The following GGTA1 variants were observed in gnomAD, a reference collection of about 807,000 sequenced individuals.
GGTA1 encodes glycoprotein alpha-galactosyltransferase 1 (inactive).
In GGTA1, 5 loss-of-function variants were observed where a neutral mutation model predicts 2.6. The observed-to-expected ratio is 1.92, with a 90% CI of 1.00 to 4.04. GGTA1 has a LOEUF of 4.04. Ranked by LOEUF, GGTA1 falls within the 30% of genes most tolerant of loss-of-function variation. The probability of loss-of-function intolerance (pLI) is 0.00; values close to 1 mark genes in which losing one functional copy is unlikely to be tolerated. For missense variants in GGTA1, 50 were observed against 16.7 expected, an observed-to-expected ratio of 2.99 and a Z score of -3.47; for synonymous variants, 17 against 5.0, an observed-to-expected ratio of 3.38 and a Z score of -3.19.
chr9:121,449,418 T>C (rs1279536601), intron 7 of GGTA1, among the ~76,000 whole-genome samples: 2 of 152,200 alleles, frequency 1.3e-5, no homozygotes, highest in Non-Finnish European at 2.9e-5. Flanking sequence ...CTACCAGCAA[T>C]GAATAAGTGT....
intron 3 of GGTA1, among the ~76,000 whole-genome samples, chr9:121,461,744 A>G (rs567828551): frequency 3.9e-5 from 6 of 152,354 alleles, no homozygotes; most frequent in Admixed American, 6.5e-5. Context: ...AATTTTGAAG[A>G]CTGAATGAAA....
At chr9:121,484,839 C>T (rs1265359486) in intron 1 of GGTA1, among the ~76,000 whole-genome samples, 2 of 152,190 alleles carry the variant, frequency 1.3e-5, no homozygotes, top group African/African-American at 2.4e-5. Context: ...CTGTTCTTGT[C>T]TATATTTAAG....
chr9:121,490,770 G>T (rs1262856272), intron 1 of GGTA1, among the ~76,000 whole-genome samples: 1 of 152,164 alleles, frequency 6.6e-6, no homozygotes, highest in Non-Finnish European at 1.5e-5. Flanking sequence ...CCTTCTGAAA[G>T]ATGTTGTCAG....
chr9:121,450,782 CCA>C (rs2064874427), downstream of GGTA1, among the ~76,000 whole-genome samples: 1 of 152,072 alleles, frequency 6.6e-6, no homozygotes, highest in African/African-American at 2.4e-5. Flanking sequence ...TGTCAAAACT[CCA>C]CAGTCACCTT....
chr9:121,471,191 T>C (rs758927175), intron 1 of GGTA1, among the ~76,000 whole-genome samples: 42 of 152,238 alleles, frequency 2.8e-4, no homozygotes, highest in Non-Finnish European at 5.1e-4. Flanking sequence ...CAAATGTCAT[T>C]GCTTTGTGAA....
downstream of GGTA1, among the ~76,000 whole-genome samples, chr9:121,450,112 C>G (rs900474592): frequency 2.6e-5 from 4 of 152,100 alleles, no homozygotes; most frequent in African/African-American, 4.8e-5. Context: ...CTTGGATTCC[C>G]TTTATTTGTT....
chr9:121,464,002 G>T (rs565582882), intron 2 of GGTA1, among the ~76,000 whole-genome samples: 1 of 152,162 alleles, frequency 6.6e-6, no homozygotes, highest in African/African-American at 2.4e-5. Context: ...AGCCTAGCAC[G>T]CATAACCCTA....
At chr9:121,487,809 G>A (rs1239560067) in intron 1 of GGTA1, among the ~76,000 whole-genome samples, 1 of 151,432 alleles carries the variant, frequency 6.6e-6, no homozygotes, top group Non-Finnish European at 1.5e-5. Flanking sequence ...TCCACATCCT[G>A]GGTTAAAGCG....
chr9:121,459,213 T>C (rs1347717346), intron 5 of GGTA1, among the ~76,000 whole-genome samples: 1 of 152,164 alleles, frequency 6.6e-6, no homozygotes, highest in Non-Finnish European at 1.5e-5. Flanking sequence ...TCCCAGCACT[T>C]TGGGAGGCCA....
chr9:121,494,106 T>A lies in GGTA1; in HGVS notation c.-10+5544A>T, dbSNP rs183946501. On this transcript the variant is annotated intron_variant, in intron 1 of 5. Coordinates refer to ENST00000481799, the MANE Select transcript of GGTA1 (RefSeq NM_001382585.1). Reference sequence around the variant, plus strand: ...TCCTCCTCCATCTCAGACCACTCACTCTCTGAGTTAGACCCATGCTTTTCC... The same window carrying A: ...TCCTCCTCCATCTCAGACCACTCACACTCTGAGTTAGACCCATGCTTTTCC... Among the ~76,000 whole-genome samples, 1,387 of 152,126 alleles carry A rather than the reference T, an allele frequency of 9.1e-3. 27 individuals carry two copies. Among genetic ancestry groups the A allele is most frequent in the Non-Finnish European group, 0.011 (751 of 67,984 alleles).
intron 5 of GGTA1, among the ~76,000 whole-genome samples, chr9:121,458,109 C>T (rs1478080824): frequency 7.3e-5 from 11 of 151,454 alleles, no homozygotes; most frequent in Admixed American, 7.2e-4. Context: ...GGGGTTTCAC[C>T]ATGTTGCCCA....
intron 2 of GGTA1, among the ~76,000 whole-genome samples, chr9:121,466,953 C>CA (rs397894554): frequency 0.012 from 1,206 of 99,732 alleles, 10 homozygotes; most frequent in South Asian, 0.019. Flanking sequence ...GACTCTGTCT[C>CA]AAAAAAAAAA....
chr9:121,479,693 C>T (rs1169971147), intron 1 of GGTA1, among the ~76,000 whole-genome samples: 2 of 152,060 alleles, frequency 1.3e-5, no homozygotes, highest in East Asian at 1.9e-4. Context: ...CCAATGGAGA[C>T]GTTAAAACAC....
exon 8 of GGTA1, chr9:121,445,144 G>A (rs2064847101): frequency 6.6e-6 from 1 of 152,058 alleles, no homozygotes; most frequent in African/African-American, 2.4e-5. Flanking sequence ...GTAAACATTA[G>A]TCCTTTGCTC....
intron 3 of GGTA1, among the ~76,000 whole-genome samples, chr9:121,461,979 T>A (rs1325288405): frequency 6.6e-6 from 1 of 152,216 alleles, no homozygotes; most frequent in Non-Finnish European, 1.5e-5. Context: ...TAGAAGCCAC[T>A]GTAGCCACCC....
chr9:121,468,274 G>A (rs985951671), intron 1 of GGTA1, among the ~76,000 whole-genome samples: 1 of 152,148 alleles, frequency 6.6e-6, no homozygotes, highest in Non-Finnish European at 1.5e-5. Flanking sequence ...GCGGTGTTTG[G>A]TTTTCTGTTC....
chr9:121,474,672 A>G lies in GGTA1; in HGVS notation c.-9-6741T>C, dbSNP rs1828466408. ...TCGTTCCAAACAGAATTCCACTCTG[A>G]AAGGAATTCTAGCAGATCCTATCTT... On this transcript the variant is annotated intron_variant, in intron 1 of 5. Coordinates refer to ENST00000481799, the MANE Select transcript of GGTA1 (RefSeq NM_001382585.1). 2.6e-5 allele frequency among the ~76,000 whole-genome samples: 4 copies of G among 152,196 alleles called. No homozygotes were observed. The South Asian group carries it at 6.2e-4, about 24-fold the overall frequency.
intron 1 of GGTA1, among the ~76,000 whole-genome samples, chr9:121,486,397 C>G (rs1051744349): frequency 6.6e-6 from 1 of 152,186 alleles, no homozygotes; most frequent in African/African-American, 2.4e-5. Context: ...AGGAGGTCCC[C>G]TGGTGATTGG....
At chr9:121,499,399 C>A (rs1829058952) in intron 1 of GGTA1, among the ~76,000 whole-genome samples, 1 of 152,158 alleles carries the variant, frequency 6.6e-6, no homozygotes, top group Admixed American at 6.5e-5. Flanking sequence ...GCTCTTCAGG[C>A]TCCAGTCTTG....
Sources: gnomAD v4.1 joint callset for allele counts (sites outside exome capture counted in the v4.1 genomes callset) on GRCh38, gnomAD v4.1.1 for gene constraint, MANE v1.5 for transcripts, NCBI Gene and HGNC (gene_info 2026-07-23, HGNC 2026-07-21) for gene names.